RAB5A: variants seen among roughly 807,000 people sequenced by gnomAD.
RAB5A encodes the protein ras-related protein Rab-5A.
Under a neutral mutation model 25.7 loss-of-function variants are expected in RAB5A, and 8 were observed. The ratio of observed to expected loss-of-function variants is 0.31; its 90% CI spans 0.18 to 0.56. The LOEUF (loss-of-function observed/expected upper bound fraction) is 0.56, where lower values mean the gene tolerates loss of function less well. Among genes scored for constraint, RAB5A ranks in the 20% least tolerant of loss-of-function variants. RAB5A has a pLI of 0.91. For synonymous variants in RAB5A, 98 were observed against 89.8 expected (o/e 1.09, Z -0.52); for missense variants, 192 against 259.7 (o/e 0.74, Z 1.79).
chr3:19,979,372 C>T (rs1696879281), intron 5 of RAB5A, among the ~76,000 whole-genome samples: 1 of 151,610 alleles, frequency 6.6e-6, no homozygotes, highest in African/African-American at 2.4e-5. Context: ...CAAGCTCCGC[C>T]TCCTGGATTC....
chr3:19,951,118 A>G (rs1188316894), intron 2 of RAB5A, 57 bp downstream of exon 2: 10 of 1,566,972 alleles, frequency 6.4e-6, no homozygotes, highest in African/African-American at 2.7e-5. Context: ...GACAGAAAAT[A>G]TTTTGATGTT....
At chr3:19,951,713 T>G (rs925136204) in intron 2 of RAB5A, among the ~76,000 whole-genome samples, 1 of 146,666 alleles carries the variant, frequency 6.8e-6, no homozygotes, top group Non-Finnish European at 1.5e-5. Flanking sequence ...TTTTTTTTTT[T>G]TTTTTTAAGA....
chr3:19,947,267 C>CGGT lies in RAB5A; in HGVS notation c.-346_-345insTGG. The CGGT allele has an allele frequency of 1.8e-5, 1 of 56,718 alleles. No individual in the cohort carries two copies. 3.5% of individuals were successfully genotyped at this position (56,718 alleles called of 1,614,324 possible). On this transcript the variant is annotated 5_prime_UTR_variant, in exon 1 of 6. Coordinates refer to ENST00000273047, the MANE Select transcript of RAB5A (RefSeq NM_004162.5). ...GAAGAATTAGTCGGAACTCCAGCGC[C>CGGT]GGCGGCGGCGGCGGCGGCGGAGGAG... is the stretch of plus-strand genomic sequence containing the variant.
chr3:19,978,787 G>A (rs1026234834), intron 5 of RAB5A: 3 of 156,992 alleles, frequency 1.9e-5, no homozygotes, highest in Non-Finnish European at 4.2e-5. Context: ...CAAATTATTG[G>A]TAAATATAAC....
At position 19,963,416 on chromosome 3, in the gene RAB5A, C is replaced by G. The variant is rs373229436; in HGVS notation, c.164-12185C>G. Among the ~76,000 whole-genome samples the G allele has an allele frequency of 1.2e-4, 15 of 120,210 alleles. 1 individual carries two copies. The South Asian group carries it at 4.4e-3, about 36-fold the overall frequency. The allele number at this position is 120,210 out of a possible 152,430, so 78.9% of individuals were successfully genotyped here. On this transcript the variant is annotated intron_variant, in intron 2 of 5. Coordinates refer to ENST00000273047, the MANE Select transcript of RAB5A (RefSeq NM_004162.5). Reference sequence around the variant, plus strand: ...TAAGATCAATTTCTAGAGGTGATTACTGAACCCAAAGGAATTTTATCCTAA... The same window carrying G: ...TAAGATCAATTTCTAGAGGTGATTAGTGAACCCAAAGGAATTTTATCCTAA...
intron 2 of RAB5A, among the ~76,000 whole-genome samples, chr3:19,961,847 A>G (rs949882041): frequency 4.6e-5 from 7 of 152,198 alleles, no homozygotes; most frequent in Non-Finnish European, 8.8e-5. Context: ...AATATGTCAG[A>G]TGTACTGTAA....
chr3:19,984,787 A>C lies in RAB5A; in HGVS notation c.*964A>C, dbSNP rs1697001370. The C allele has an allele frequency of 6.5e-6, 1 of 153,104 alleles. No individual in the cohort carries two copies. The highest frequency in any genetic ancestry group is 6.5e-5 in the Admixed American group (1 of 15,288). 9.5% of individuals were successfully genotyped at this position (153,104 alleles called of 1,614,324 possible). A position where few individuals can be genotyped will look rare whatever the true frequency, so the allele number is the denominator to read the frequency against. ...ATATTTAAGAGTTGCTTAAAAGCATACAAAATGTACTGTTACTAAAACAGC... is the reference window on the plus strand; with the variant it reads ...ATATTTAAGAGTTGCTTAAAAGCATCCAAAATGTACTGTTACTAAAACAGC... On this transcript the variant is annotated 3_prime_UTR_variant, in exon 6 of 6. Coordinates refer to ENST00000273047, the MANE Select transcript of RAB5A (RefSeq NM_004162.5).
At chr3:19,971,177 A>T (rs1234824289) in intron 2 of RAB5A, among the ~76,000 whole-genome samples, 2 of 145,460 alleles carry the variant, frequency 1.4e-5, no homozygotes, top group Non-Finnish European at 3.0e-5. Context: ...AGCCTGGGCA[A>T]CAAGAGCTAA....
At chr3:19,976,474 T>C (rs1320231475) in intron 4 of RAB5A, among the ~76,000 whole-genome samples, 2 of 152,024 alleles carry the variant, frequency 1.3e-5, no homozygotes, top group African/African-American at 2.4e-5. Context: ...TCACCTGAGG[T>C]TGGGAGTTCA....
intron 2 of RAB5A, among the ~76,000 whole-genome samples, chr3:19,956,093 G>C (rs1696498070): frequency 6.6e-6 from 1 of 152,160 alleles, no homozygotes; most frequent in African/African-American, 2.4e-5. Context: ...AGTACCCATA[G>C]TTTTCAGTCA....
intron 5 of RAB5A, among the ~76,000 whole-genome samples, chr3:19,982,106 G>A (rs564900803): frequency 6.6e-6 from 1 of 151,898 alleles, no homozygotes; most frequent in East Asian, 1.9e-4. Flanking sequence ...GCATGGTGGT[G>A]CACACCCTGT....
At chr3:19,983,345 C>CAAAAA (rs34872300) in intron 5 of RAB5A, among the ~76,000 whole-genome samples, 7 of 92,028 alleles carry the variant, frequency 7.6e-5, no homozygotes, top group African/African-American at 1.6e-4. Flanking sequence ...GACTACATCT[C>CAAAAA]AAAAAAAAAA....
chr3:19,978,553 CA>C, intron 5 of RAB5A, 150 bp downstream of exon 5: 1 of 574,888 alleles, frequency 1.7e-6, no homozygotes, highest in Non-Finnish European at 3.2e-6. Flanking sequence ...GAGATTATAC[CA>C]CTTTTCTAAG....
intron 1 of RAB5A, 134 bp from the exon 2 acceptor site, chr3:19,950,672 T>C: frequency 5.1e-6 from 2 of 394,766 alleles, no homozygotes; most frequent in South Asian, 7.8e-5. Context: ...CTTTAAAAGA[T>C]AGTGACATAA....
intron 2 of RAB5A, among the ~76,000 whole-genome samples, chr3:19,971,673 C>G (rs2125189497): frequency 6.6e-6 from 1 of 152,212 alleles, no homozygotes; most frequent in South Asian, 2.1e-4. Flanking sequence ...CGAGGTTTCG[C>G]CATACCGGTC....
intron 2 of RAB5A, among the ~76,000 whole-genome samples, chr3:19,958,339 A>T (rs1276918224): frequency 6.6e-6 from 1 of 152,210 alleles, no homozygotes; most frequent in Non-Finnish European, 1.5e-5. Flanking sequence ...GAGATTTGAT[A>T]TTTCAAATTT....
At chr3:19,974,296 A>C (rs1327742125) in intron 2 of RAB5A, among the ~76,000 whole-genome samples, 2 of 152,014 alleles carry the variant, frequency 1.3e-5, no homozygotes, top group Admixed American at 6.6e-5. Flanking sequence ...CCGGAACCAC[A>C]GGCAAGCGCC....
chr3:19,947,258 C>T lies in RAB5A; in HGVS notation c.-357C>T. 1.1e-5 allele frequency: 2 copies of T among 185,144 alleles called. No individual in the cohort carries two copies. The highest frequency in any genetic ancestry group is 2.0e-5 in the Non-Finnish European group (2 of 98,032). 11.5% of individuals were successfully genotyped at this position (185,144 alleles called of 1,614,324 possible). ...GAGGAGGAGGAAGAATTAGTCGGAA[C>T]TCCAGCGCCGGCGGCGGCGGCGGCG... On this transcript the variant is annotated 5_prime_UTR_variant, in exon 1 of 6. Coordinates refer to ENST00000273047, the MANE Select transcript of RAB5A (RefSeq NM_004162.5).
chr3:19,961,913 A>G (rs1696591100), intron 2 of RAB5A, among the ~76,000 whole-genome samples: 1 of 152,208 alleles, frequency 6.6e-6, no homozygotes, highest in Non-Finnish European at 1.5e-5. Context: ...CTGAGACACA[A>G]ATGACTCCTC....
Sources: gnomAD v4.1 joint callset for allele counts (sites outside exome capture counted in the v4.1 genomes callset) on GRCh38, gnomAD v4.1.1 for gene constraint, MANE v1.5 for transcripts, NCBI Gene and HGNC (gene_info 2026-07-23, HGNC 2026-07-21) for gene names.